The following NRXN3 variants were observed in gnomAD, a reference collection of about 807,000 sequenced individuals.
NRXN3 encodes the protein neurexin III.
NRXN3 carries 32 observed loss-of-function variants against 137.6 expected under a neutral mutation model. The ratio of observed to expected loss-of-function variants is 0.23; its 90% CI spans 0.18 to 0.31. The LOEUF (loss-of-function observed/expected upper bound fraction) is 0.31, where lower values mean the gene tolerates loss of function less well. Ranked by LOEUF, NRXN3 falls within the 10% of genes least tolerant of loss-of-function variation. The pLI is 1.00. For missense variants in NRXN3, 1,574 were observed against 2,062.5 expected, an observed-to-expected ratio of 0.76 and a Z score of 4.59; for synonymous variants, 798 against 784.5, an observed-to-expected ratio of 1.02 and a Z score of -0.29.
At chr14:78,462,788 T>C (rs1237862278) in intron 4 of NRXN3, among the ~76,000 whole-genome samples, 1 of 152,250 alleles carries the variant, frequency 6.6e-6, no homozygotes, top group Non-Finnish European at 1.5e-5. Flanking sequence ...GACCTTGTAA[T>C]TTAAAACATA....
At chr14:79,298,139 A>T (rs1373062389) in intron 15 of NRXN3, among the ~76,000 whole-genome samples, 4 of 151,952 alleles carry the variant, frequency 2.6e-5, no homozygotes, top group African/African-American at 9.7e-5. Context: ...GTAATTTTGT[A>T]TTACGCATAA....
At chr14:79,210,260 T>G (rs141122599) in intron 15 of NRXN3, among the ~76,000 whole-genome samples, 1 of 152,312 alleles carries the variant, frequency 6.6e-6, no homozygotes, top group East Asian at 1.9e-4. Flanking sequence ...TGAGATCAAG[T>G]GCTAAAGATT....
intron 15 of NRXN3, among the ~76,000 whole-genome samples, chr14:79,043,671 C>T (rs567038429): frequency 6.6e-6 from 1 of 152,130 alleles, no homozygotes; most frequent in African/African-American, 2.4e-5. Context: ...CTGCCATCCT[C>T]TAGGTGGTGG....
At chr14:78,259,872 C>A (rs1384792984) in intron 2 of NRXN3, among the ~76,000 whole-genome samples, 1 of 152,112 alleles carries the variant, frequency 6.6e-6, no homozygotes, top group African/African-American at 2.4e-5. Context: ...AGTTGCTTAT[C>A]TAGCGTAAGT....
rs542524149 is a variant in NRXN3 at position 78,742,129 on chromosome 14, C to T, written c.2044+26990C>T. ...ATTACCTTTCTTAGCTGGCTTCCCACGGAAACTAATGGTATTTGGCAACTG... is the reference window on the plus strand; with the variant it reads ...ATTACCTTTCTTAGCTGGCTTCCCATGGAAACTAATGGTATTTGGCAACTG... On this transcript the variant is annotated intron_variant, in intron 8 of 20. Coordinates refer to ENST00000335750, the MANE Select transcript of NRXN3 (RefSeq NM_001330195.2). 1.3e-4 allele frequency among the ~76,000 whole-genome samples: 20 copies of T among 152,266 alleles called. No homozygotes were observed. In the South Asian group the frequency reaches 1.9e-3, roughly 14 times the overall value.
Position 78,620,483 on chromosome 14 carries a change from G to A in NRXN3, c.758-24637G>A, listed in dbSNP as rs146510542. 2.0e-3 allele frequency among the ~76,000 whole-genome samples: 302 copies of A among 152,248 alleles called. 2 individuals are homozygous for A. The highest frequency in any genetic ancestry group is 6.9e-3 in the African/African-American group (285 of 41,548). On this transcript the variant is annotated intron_variant, in intron 4 of 20. Coordinates refer to ENST00000335750, the MANE Select transcript of NRXN3 (RefSeq NM_001330195.2). ...GAATGCCTTTTTATCAGAGGTACAT[G>A]CCCAGTTGGTGGCTACGACCACATA... is the stretch of plus-strand genomic sequence containing the variant.
In NRXN3 at chr14:79,479,733, GT is replaced by G. The variant is rs562413794; in HGVS notation, c.3444+12336del. Among the ~76,000 whole-genome samples the G allele has an allele frequency of 2.0e-3, 304 of 152,058 alleles. 2 individuals carry two copies. The highest frequency in any genetic ancestry group is 7.0e-3 in the African/African-American group (289 of 41,494). ...TTACATTTTTTGCTTCCCAGTATTT[GT>G]TTTTCTCAATGACGTTAAGGCACCT... On this transcript the variant is annotated intron_variant, in intron 16 of 20. Coordinates refer to ENST00000335750, the MANE Select transcript of NRXN3 (RefSeq NM_001330195.2).
At chr14:79,393,684 G>T (rs12434144) in intron 15 of NRXN3, among the ~76,000 whole-genome samples, 10 of 151,838 alleles carry the variant, frequency 6.6e-5, no homozygotes, top group Admixed American at 2.0e-4. Context: ...GCGTGGTGGC[G>T]GGCGCCTATA....
At chr14:79,219,331 A>G (rs139851595) in intron 15 of NRXN3, among the ~76,000 whole-genome samples, 6 of 152,212 alleles carry the variant, frequency 3.9e-5, no homozygotes, top group African/African-American at 1.2e-4. Context: ...GGGTCTTGCT[A>G]TGTTGCCCAG....
intron 16 of NRXN3, among the ~76,000 whole-genome samples, chr14:79,480,796 A>C (rs1446857499): frequency 6.6e-6 from 1 of 152,026 alleles, no homozygotes; most frequent in Non-Finnish European, 1.5e-5. Flanking sequence ...GTTGTGTAAA[A>C]GTGTGTAGCA....
chr14:79,812,071 T>C (rs763934398), intron 20 of NRXN3, among the ~76,000 whole-genome samples: 1 of 152,164 alleles, frequency 6.6e-6, no homozygotes, highest in Non-Finnish European at 1.5e-5. Context: ...GTGTGCATAA[T>C]ATATGTGGCC....
intron 15 of NRXN3, among the ~76,000 whole-genome samples, chr14:79,265,759 G>T (rs1026183600): frequency 5.9e-5 from 9 of 152,020 alleles, no homozygotes; most frequent in African/African-American, 2.2e-4. Flanking sequence ...TCACTCCCAC[G>T]CAACACTCCC....
At chr14:79,365,510 G>C (rs1327566284) in intron 15 of NRXN3, among the ~76,000 whole-genome samples, 1 of 151,226 alleles carries the variant, frequency 6.6e-6, no homozygotes. Flanking sequence ...ATGAGGTCAG[G>C]AGATCGAGAC....
chr14:78,875,962 G>A (rs1419273991), intron 10 of NRXN3, among the ~76,000 whole-genome samples: 6 of 152,216 alleles, frequency 3.9e-5, no homozygotes, highest in Admixed American at 3.9e-4. Flanking sequence ...CAGAGGACAA[G>A]TAACTCCTCT....
intron 15 of NRXN3, among the ~76,000 whole-genome samples, chr14:79,174,524 C>A (rs1207691136): frequency 1.1e-5 from 1 of 89,056 alleles, no homozygotes; most frequent in Non-Finnish European, 2.8e-5. Context: ...TATATACACA[C>A]ACATATATAT....
At chr14:78,887,597 C>A (rs1408961549) in intron 10 of NRXN3, among the ~76,000 whole-genome samples, 1 of 152,002 alleles carries the variant, frequency 6.6e-6, no homozygotes, top group Non-Finnish European at 1.5e-5. Context: ...TTCCAGGGAC[C>A]TCCTAAGTTT....
chr14:79,859,178 T>C (rs1182145827), intron 20 of NRXN3, among the ~76,000 whole-genome samples: 3 of 152,112 alleles, frequency 2.0e-5, no homozygotes, highest in Admixed American at 1.3e-4. Context: ...AGTAAAATTA[T>C]CACATAGGCC....
chr14:79,421,807 GA>G (rs547859845), intron 15 of NRXN3, among the ~76,000 whole-genome samples: 153 of 151,548 alleles, frequency 1.0e-3, no homozygotes, highest in African/African-American at 3.5e-3. Context: ...AGCATCAAAA[GA>G]AAAAAAAGTT....
chr14:79,570,769 A>G (rs2097592471), intron 16 of NRXN3, among the ~76,000 whole-genome samples: 1 of 152,192 alleles, frequency 6.6e-6, no homozygotes, highest in Non-Finnish European at 1.5e-5. Context: ...GAAGTCCAGG[A>G]TCAAGAACAA....
Sources: allele counts gnomAD v4.1 joint callset (sites outside exome capture counted in the v4.1 genomes callset), GRCh38; gene constraint gnomAD v4.1.1; transcripts MANE v1.5; gene names NCBI Gene and HGNC (gene_info 2026-07-23, HGNC 2026-07-21).